TMPRSS11E: variants seen among roughly 807,000 people sequenced by gnomAD.
TMPRSS11E encodes transmembrane serine protease 11E.
A neutral mutation model predicts 48.1 loss-of-function variants in TMPRSS11E; 38 were observed. The observed-to-expected ratio is 0.79, with a 90% CI of 0.61 to 1.04. The LOEUF is 1.04. TMPRSS11E is among the 50% of genes least tolerant of loss of function. The pLI is 0.00. For synonymous variants in TMPRSS11E, 158 were observed against 171.9 expected, an observed-to-expected ratio of 0.92 and a Z score of 0.63; for missense variants, 530 against 510.8, an observed-to-expected ratio of 1.04 and a Z score of -0.36.
At chr4:68,469,017 T>C in intron 4 of TMPRSS11E, 71 bp downstream of exon 4, 2 of 1,162,630 alleles carry the variant, frequency 1.7e-6, no homozygotes, top group Non-Finnish European at 2.6e-6. Context: ...AATAAATATG[T>C]TTTCAAGTGT....
chr4:68,487,599 T>C (rs1371471543), intron 9 of TMPRSS11E, among the ~76,000 whole-genome samples: 2 of 152,134 alleles, frequency 1.3e-5, no homozygotes, highest in African/African-American at 2.4e-5. Context: ...TAAGGACTTT[T>C]TGCAAGGCAA....
chr4:68,477,488 A>G lies in TMPRSS11E; in HGVS notation c.827A>G (p.Tyr276Cys), dbSNP rs1228808855. 2.5e-6 allele frequency: 4 copies of G among 1,614,068 alleles called. No homozygotes were observed. The highest frequency in any genetic ancestry group is 1.7e-4 in the Middle Eastern group (1 of 6,060). ...AAATACAAACACCCATCACATGACTATGATATTTCTCTTGCAGAGCTTTCT... is the reference window on the plus strand; with the variant it reads ...AAATACAAACACCCATCACATGACTGTGATATTTCTCTTGCAGAGCTTTCT... ...HEKYKHPSHDYDISLAELSSP... is the reference protein window; with the variant it reads ...HEKYKHPSHDCDISLAELSSP... The change falls in exon 8 of 10, where the codon TAT (tyrosine) becomes TGT (cysteine). Residue 276 changes from tyrosine (Y) to cysteine (C), a missense_variant. Physicochemically the swap from Tyr to Cys is radical, Grantham distance 194. Transcript: ENST00000305363.
chr4:68,478,747 G>A lies in TMPRSS11E; in HGVS notation c.968-102G>A, dbSNP rs931796314. The A allele has an allele frequency of 1.6e-5, 21 of 1,299,028 alleles. No individual in the cohort carries two copies. The East Asian group carries it at 4.7e-4, about 29-fold the overall frequency. The allele number at this position is 1,299,028 out of a possible 1,614,324, so 80.5% of individuals were successfully genotyped here. On this transcript the variant is annotated intron_variant, in intron 8 of 9. Transcript: ENST00000305363. ...TGGGATTACTGGCGTTAGTCACCGT[G>A]CCTGGCCTGTATCACCATCTTATTC...
intron 9 of TMPRSS11E, among the ~76,000 whole-genome samples, chr4:68,491,618 G>A (rs993647644): frequency 2.4e-4 from 37 of 152,156 alleles, no homozygotes; most frequent in African/African-American, 8.9e-4. Context: ...ATGTCTTCAT[G>A]TGCATCACTC....
chr4:68,494,925 G>A (rs1729826057), intron 9 of TMPRSS11E, among the ~76,000 whole-genome samples: 1 of 152,158 alleles, frequency 6.6e-6, no homozygotes, highest in Admixed American at 6.5e-5. Flanking sequence ...ATCTCTCTGG[G>A]GAGGGAGTTT....
intron 9 of TMPRSS11E, among the ~76,000 whole-genome samples, chr4:68,494,477 C>T (rs1050418947): frequency 1.4e-4 from 21 of 151,952 alleles, no homozygotes; most frequent in African/African-American, 4.8e-4. Flanking sequence ...TTTCTTATGC[C>T]CCTATTATTT....
chr4:68,478,942 C>T lies in TMPRSS11E; in HGVS notation c.1061C>T (p.Pro354Leu). The change falls in exon 9 of 10, where the codon CCT (proline) becomes CTT (leucine). Residue 354 changes from proline to leucine, a missense_variant. Coordinates refer to ENST00000305363, the MANE Select transcript of TMPRSS11E (RefSeq NM_014058.4). ...EPQAYNDAITPRMLCAGSLEG... is the reference protein window; with the variant it reads ...EPQAYNDAITLRMLCAGSLEG... ...CAAGCTTACAATGACGCCATAACTC[C>T]TAGAATGTTATGTGCTGGCTCCTTA... 1 of 1,614,050 alleles carries T rather than the reference C, an allele frequency of 6.2e-7. No individual in the cohort carries two copies. Among genetic ancestry groups the T allele is most frequent in the Non-Finnish European group, 8.5e-7 (1 of 1,179,956 alleles).
At chr4:68,468,122 G>T (rs1728972972) in intron 3 of TMPRSS11E, among the ~76,000 whole-genome samples, 1 of 152,000 alleles carries the variant, frequency 6.6e-6, no homozygotes, top group South Asian at 2.1e-4. Flanking sequence ...AAAAAATTCG[G>T]AATTAATAAA....
In TMPRSS11E at chr4:68,478,147, A is replaced by ATTTTTT. The variant is rs879193345; in HGVS notation, c.967+520_967+521insTTTTTT. ...ATGTAGTCTAAGATTCTGTATCACT[A>ATTTTTT]TCTTTTTTTTTTTTTTTTGAGACAG... On this transcript the variant is annotated intron_variant, in intron 8 of 9. Transcript: ENST00000305363. Among the ~76,000 whole-genome samples the ATTTTTT allele has an allele frequency of 6.6e-5, 6 of 90,540 alleles. 1 individual carries two copies. The highest frequency in any genetic ancestry group is 7.6e-5 in the Non-Finnish European group (3 of 39,520). The allele number at this position is 90,540 out of a possible 152,430, so 59.4% of individuals were successfully genotyped here. A position where few individuals can be genotyped will look rare whatever the true frequency, so the allele number is the denominator to read the frequency against.
chr4:68,451,819 G>T (rs943589404), intron 1 of TMPRSS11E, among the ~76,000 whole-genome samples: 50 of 151,484 alleles, frequency 3.3e-4, no homozygotes, highest in African/African-American at 1.1e-3. Flanking sequence ...TTTTGCCCAG[G>T]GGTAATAATA....
At chr4:68,473,847 T>G (rs1729140046) in intron 5 of TMPRSS11E, among the ~76,000 whole-genome samples, 1 of 152,140 alleles carries the variant, frequency 6.6e-6, no homozygotes, top group African/African-American at 2.4e-5. Flanking sequence ...AATTGTAAAT[T>G]CTTCCTTATT....
chr4:68,491,910 C>T (rs1031801572), intron 9 of TMPRSS11E, among the ~76,000 whole-genome samples: 1 of 152,152 alleles, frequency 6.6e-6, no homozygotes, highest in Non-Finnish European at 1.5e-5. Context: ...TCATTTAATT[C>T]CCTGTTGGCA....
intron 9 of TMPRSS11E, among the ~76,000 whole-genome samples, chr4:68,490,661 C>T (rs1397656535): frequency 6.6e-6 from 1 of 151,704 alleles, no homozygotes; most frequent in Non-Finnish European, 1.5e-5. Context: ...ACTTGACTTC[C>T]CACTACCTCT....
intron 1 of TMPRSS11E, among the ~76,000 whole-genome samples, chr4:68,457,878 A>G (rs1243485580): frequency 1.3e-5 from 2 of 152,086 alleles, no homozygotes; most frequent in Non-Finnish European, 2.9e-5. Context: ...TGGGAGTTAA[A>G]CAATGAGAAT....
At chr4:68,473,111 T>G (rs1310004775) in intron 5 of TMPRSS11E, among the ~76,000 whole-genome samples, 1 of 152,066 alleles carries the variant, frequency 6.6e-6, no homozygotes, top group African/African-American at 2.4e-5. Flanking sequence ...ATGAGAAAAT[T>G]CTACCAACAC....
chr4:68,457,353 T>A (rs965810223), intron 1 of TMPRSS11E, among the ~76,000 whole-genome samples: 1 of 152,094 alleles, frequency 6.6e-6, no homozygotes, highest in Non-Finnish European at 1.5e-5. Flanking sequence ...ATGAGTACCA[T>A]CTCATGCCAG....
At position 68,477,502 on chromosome 4, in the gene TMPRSS11E, G is replaced by A. The variant is rs1286498716; in HGVS notation, c.841G>A (p.Ala281Thr). 5.6e-6 allele frequency: 9 copies of A among 1,613,838 alleles called. No homozygotes were observed. In the Admixed American group the frequency reaches 1.5e-4, roughly 27 times the overall value. The change falls in exon 8 of 10, where the codon GCA becomes ACA. Residue 281 changes from alanine to threonine, a missense_variant. Physicochemically the swap from Ala to Thr is moderately conservative, Grantham distance 58. Transcript: ENST00000305363. ...ATCACATGACTATGATATTTCTCTTGCAGAGCTTTCTAGCCCTGTTCCCTA... is the reference window on the plus strand; with the variant it reads ...ATCACATGACTATGATATTTCTCTTACAGAGCTTTCTAGCCCTGTTCCCTA... Reference protein sequence around the residue: ...HPSHDYDISLAELSSPVPYTN... With the variant: ...HPSHDYDISLTELSSPVPYTN...
At chr4:68,460,890 T>TTC (rs1728770077) in intron 1 of TMPRSS11E, among the ~76,000 whole-genome samples, 1 of 151,510 alleles carries the variant, frequency 6.6e-6, no homozygotes, top group African/African-American at 2.4e-5. Context: ...TAGCTTTTTT[T>TTC]TTTTTTTTAA....
chr4:68,453,884 T>G (rs1372165613), intron 1 of TMPRSS11E, among the ~76,000 whole-genome samples: 3 of 148,422 alleles, frequency 2.0e-5, no homozygotes, highest in Non-Finnish European at 4.4e-5. Flanking sequence ...CTTGATTACG[T>G]GTCTTCCAAA....
Sources: allele counts gnomAD v4.1 joint callset (sites outside exome capture counted in the v4.1 genomes callset), GRCh38; gene constraint gnomAD v4.1.1; transcripts MANE v1.5; gene names NCBI Gene and HGNC (gene_info 2026-07-23, HGNC 2026-07-21).